Variants in FOXN3 observed in about 807,000 individuals in gnomAD.
FOXN3 encodes the protein forkhead box protein N3.
Under a neutral mutation model 38.4 loss-of-function variants are expected in FOXN3, and 7 were observed. The observed-to-expected ratio is 0.18, with a 90% CI of 0.10 to 0.34. FOXN3 has a LOEUF of 0.34. Among genes scored for constraint, FOXN3 ranks in the 10% least tolerant of loss-of-function variants. The probability of loss-of-function intolerance (pLI) is 1.00; values close to 1 mark genes in which losing one functional copy is unlikely to be tolerated. For missense variants in FOXN3, 456 were observed against 613.4 expected, an observed-to-expected ratio of 0.74 and a Z score of 2.71; for synonymous variants, 230 against 242.2, an observed-to-expected ratio of 0.95 and a Z score of 0.47.
chr14:89,444,945 AC>A (rs1892462723), intron 1 of FOXN3, among the ~76,000 whole-genome samples: 1 of 151,734 alleles, frequency 6.6e-6, no homozygotes, highest in Non-Finnish European at 1.5e-5. Flanking sequence ...ACATAGCAAG[AC>A]CCCATCTCTA....
intron 4 of FOXN3, among the ~76,000 whole-genome samples, chr14:89,234,874 G>GGCTGGCAGCTA (rs1884935033): frequency 6.6e-6 from 1 of 152,136 alleles, no homozygotes; most frequent in African/African-American, 2.4e-5. Context: ...GTTGCCAGCA[G>GGCTGGCAGCTA]GGCTGCCCCA....
intron 4 of FOXN3, among the ~76,000 whole-genome samples, chr14:89,252,955 C>T (rs959310512): frequency 6.6e-6 from 1 of 152,080 alleles, no homozygotes; most frequent in Non-Finnish European, 1.5e-5. Context: ...AAGTGGGAAG[C>T]GCAGTCACTT....
intron 3 of FOXN3, among the ~76,000 whole-genome samples, chr14:89,310,858 GC>G (rs754820968): frequency 1.8e-4 from 27 of 152,192 alleles, no homozygotes; most frequent in South Asian, 1.2e-3. Flanking sequence ...TGTAATCCCA[GC>G]ACTTTGGGAG....
chr14:89,468,456 A>AACAC (rs550963380), intron 1 of FOXN3, among the ~76,000 whole-genome samples: 12,517 of 148,664 alleles, frequency 0.084, 588 homozygotes, highest in South Asian at 0.17. Flanking sequence ...TGTGTCTCAA[A>AACAC]ACACACACAC....
intron 1 of FOXN3, among the ~76,000 whole-genome samples, chr14:89,423,698 T>C (rs927888906): frequency 6.6e-6 from 1 of 152,140 alleles, no homozygotes; most frequent in Non-Finnish European, 1.5e-5. Flanking sequence ...ATTAAAGCAA[T>C]TGTGATATCT....
At chr14:89,336,957 TAGAA>T (rs1888479412) in intron 3 of FOXN3, among the ~76,000 whole-genome samples, 1 of 152,136 alleles carries the variant, frequency 6.6e-6, no homozygotes, top group Admixed American at 6.6e-5. Flanking sequence ...AGGGTGGTGT[TAGAA>T]AGAGGGAACT....
At chr14:89,572,109 G>A (rs1175089072) in intron 1 of FOXN3, among the ~76,000 whole-genome samples, 2 of 151,998 alleles carry the variant, frequency 1.3e-5, no homozygotes, top group Non-Finnish European at 2.9e-5. Flanking sequence ...TTAGCCTTTC[G>A]GTAACAATGG....
chr14:89,524,171 G>A (rs900704890), intron 1 of FOXN3, among the ~76,000 whole-genome samples: 8 of 147,354 alleles, frequency 5.4e-5, no homozygotes, highest in South Asian at 2.1e-4. Flanking sequence ...TCAGGAGATC[G>A]AGACCATCCT....
chr14:89,257,904 A>G (rs1356403255), intron 4 of FOXN3, among the ~76,000 whole-genome samples: 1 of 152,160 alleles, frequency 6.6e-6, no homozygotes, highest in Non-Finnish European at 1.5e-5. Context: ...AGCACTCTCT[A>G]AGGGGTGACA....
chr14:89,574,025 C>T (rs1895548352), intron 1 of FOXN3, among the ~76,000 whole-genome samples: 2 of 152,100 alleles, frequency 1.3e-5, no homozygotes, highest in Admixed American at 1.3e-4. Context: ...AGCAAGACCC[C>T]ATCTCCAAAA....
chr14:89,457,011 A>G (rs1270978420), intron 1 of FOXN3, among the ~76,000 whole-genome samples: 2 of 152,204 alleles, frequency 1.3e-5, no homozygotes, highest in Admixed American at 6.5e-5. Context: ...GTAAATTTGT[A>G]TCACCGTTAT....
intron 3 of FOXN3, among the ~76,000 whole-genome samples, chr14:89,330,824 T>A (rs1240258408): frequency 6.6e-6 from 1 of 152,178 alleles, no homozygotes; most frequent in African/African-American, 2.4e-5. Context: ...GATTCCAGAA[T>A]CAAGGCCACA....
At chr14:89,402,976 G>T (rs1891290071) in intron 2 of FOXN3, among the ~76,000 whole-genome samples, 1 of 152,120 alleles carries the variant, frequency 6.6e-6, no homozygotes, top group Admixed American at 6.5e-5. Context: ...TGAACATAAG[G>T]AATATTCAAA....
At chr14:89,607,845 G>A (rs1361401186) in intron 1 of FOXN3, among the ~76,000 whole-genome samples, 1 of 150,890 alleles carries the variant, frequency 6.6e-6, no homozygotes, top group Non-Finnish European at 1.5e-5. Context: ...GAGACAGAGT[G>A]TCACTCTGTT....
At chr14:89,576,284 A>G (rs1463045228) in intron 1 of FOXN3, 1 of 152,094 alleles carries the variant, frequency 6.6e-6, no homozygotes, top group African/African-American at 2.4e-5. Flanking sequence ...CAAACTAAAT[A>G]CTCCACTTTA....
chr14:89,368,020 T>C (rs150464045), intron 2 of FOXN3, among the ~76,000 whole-genome samples: 1,557 of 152,306 alleles, frequency 0.01, 11 homozygotes, highest in Non-Finnish European at 0.017. Context: ...CAGAAACTGC[T>C]GAGTTCTGCT....
At chr14:89,617,596 C>T (rs914322123) in intron 1 of FOXN3, among the ~76,000 whole-genome samples, 1 of 152,132 alleles carries the variant, frequency 6.6e-6, no homozygotes, top group African/African-American at 2.4e-5. Context: ...AATCATTATT[C>T]TAAGTTGAAC....
At chr14:89,280,902 CG>C (rs1413026736) in intron 4 of FOXN3, 47 bp downstream of exon 4, 22 of 1,485,184 alleles carry the variant, frequency 1.5e-5, no homozygotes, top group Admixed American at 3.5e-5. Flanking sequence ...TGATGAAAGG[CG>C]GGTGGGTGAG....
At chr14:89,516,949 C>T (rs1894218525) in intron 1 of FOXN3, among the ~76,000 whole-genome samples, 1 of 152,202 alleles carries the variant, frequency 6.6e-6, no homozygotes, top group Non-Finnish European at 1.5e-5. Context: ...AACTGCTCTC[C>T]TTGACCTGTC....
Sources: allele counts gnomAD v4.1 joint callset (sites outside exome capture counted in the v4.1 genomes callset), GRCh38; gene constraint gnomAD v4.1.1; transcripts MANE v1.5; gene names NCBI Gene and HGNC (gene_info 2026-07-23, HGNC 2026-07-21).